The following PARD3B variants were observed in gnomAD, a reference collection of about 807,000 sequenced individuals.
PARD3B encodes the protein par-3 family cell polarity regulator beta.
PARD3B carries 103 observed loss-of-function variants against 130.2 expected under a neutral mutation model. That is an observed-to-expected ratio of 0.79 (90% CI 0.67 to 0.93). The LOEUF (loss-of-function observed/expected upper bound fraction) is 0.93, where lower values mean the gene tolerates loss of function less well. Ranked by LOEUF, PARD3B falls within the 40% of genes least tolerant of loss-of-function variation. The probability of loss-of-function intolerance (pLI) is 0.00; values close to 1 mark genes in which losing one functional copy is unlikely to be tolerated. For missense variants in PARD3B, 1,609 were observed against 1,499.2 expected (o/e 1.07, Z -1.21); for synonymous variants, 583 against 553.2 (o/e 1.05, Z -0.76).
At chr2:204,558,507 G>A (rs2031085833) in intron 1 of PARD3B, among the ~76,000 whole-genome samples, 1 of 152,134 alleles carries the variant, frequency 6.6e-6, no homozygotes, top group Non-Finnish European at 1.5e-5. Flanking sequence ...ACCTCTTCAA[G>A]GAGAATTACA....
intron 2 of PARD3B, among the ~76,000 whole-genome samples, chr2:204,811,403 A>G (rs959117172): frequency 6.6e-6 from 1 of 152,162 alleles, no homozygotes; most frequent in Non-Finnish European, 1.5e-5. Flanking sequence ...ATACTACATG[A>G]TGTTTGAAAT....
intron 20 of PARD3B, among the ~76,000 whole-genome samples, chr2:205,472,836 G>A (rs1330402461): frequency 1.3e-5 from 2 of 152,034 alleles, no homozygotes; most frequent in African/African-American, 2.4e-5. Context: ...GAAGTGAGAA[G>A]GGAGACAAAT....
chr2:205,540,089 G>C (rs2052055068), intron 21 of PARD3B, among the ~76,000 whole-genome samples: 2 of 152,150 alleles, frequency 1.3e-5, no homozygotes, highest in African/African-American at 4.8e-5. Context: ...CATGTGAGTT[G>C]TGCGGCACCG....
At chr2:205,580,718 G>C (rs899151926) in intron 22 of PARD3B, among the ~76,000 whole-genome samples, 1 of 152,156 alleles carries the variant, frequency 6.6e-6, no homozygotes, top group Admixed American at 6.5e-5. Flanking sequence ...CTTAATGATA[G>C]TCATATAAGA....
intron 3 of PARD3B, among the ~76,000 whole-genome samples, chr2:205,045,590 G>T (rs184704617): frequency 2.1e-3 from 322 of 152,110 alleles, no homozygotes; most frequent in Non-Finnish European, 3.7e-3. Context: ...ATATTTTAGT[G>T]TGTTATTATT....
chr2:204,563,267 T>TCTCTCTCTCTC (rs1559158190), intron 1 of PARD3B, among the ~76,000 whole-genome samples: 8 of 59,306 alleles, frequency 1.3e-4, no homozygotes, highest in African/African-American at 3.1e-4. Flanking sequence ...CTCTCTCTCT[T>TCTCTCTCTCTC]TCTCTCTTCT....
intron 1 of PARD3B, among the ~76,000 whole-genome samples, chr2:204,685,154 G>C (rs1274124241): frequency 6.6e-6 from 1 of 152,118 alleles, no homozygotes; most frequent in Non-Finnish European, 1.5e-5. Flanking sequence ...CCCTAATAAA[G>C]ATTTGTATGG....
In PARD3B at chr2:205,045,527, C is replaced by T. The variant is rs918195210; in HGVS notation, c.395-2054C>T. ...CCTCCCAAAGTGCTGGGATTATAGGCGTGAGCCACTGCGTCTGGCATGAAT... is the reference window on the plus strand; with the variant it reads ...CCTCCCAAAGTGCTGGGATTATAGGTGTGAGCCACTGCGTCTGGCATGAAT... On this transcript the variant is annotated intron_variant, in intron 3 of 22. Coordinates refer to ENST00000406610, the MANE Select transcript of PARD3B (RefSeq NM_001302769.2). Among the ~76,000 whole-genome samples the T allele has an allele frequency of 2.0e-5, 3 of 152,004 alleles. No individual in the cohort carries two copies. In the South Asian group the frequency reaches 6.2e-4, roughly 32 times the overall value.
chr2:204,971,442 G>A (rs1046982818), intron 3 of PARD3B, among the ~76,000 whole-genome samples: 1 of 152,178 alleles, frequency 6.6e-6, no homozygotes, highest in East Asian at 1.9e-4. Context: ...TTTGCTGTAG[G>A]CTGTGAAACC....
chr2:204,572,704 G>C (rs2032065049), intron 1 of PARD3B, among the ~76,000 whole-genome samples: 1 of 152,146 alleles, frequency 6.6e-6, no homozygotes, highest in African/African-American at 2.4e-5. Context: ...AAATACTCTA[G>C]ACAGCTGTGT....
chr2:204,951,297 G>A (rs191687577), intron 2 of PARD3B, among the ~76,000 whole-genome samples: 53 of 152,196 alleles, frequency 3.5e-4, no homozygotes, highest in African/African-American at 9.4e-4. Flanking sequence ...ATGATATTAC[G>A]CCATGATTTT....
chr2:205,212,261 A>T (rs562913496), intron 15 of PARD3B, among the ~76,000 whole-genome samples: 1 of 152,256 alleles, frequency 6.6e-6, no homozygotes, highest in South Asian at 2.1e-4. Flanking sequence ...GGAAATGCTG[A>T]CAAAGTTAAA....
intron 15 of PARD3B, among the ~76,000 whole-genome samples, chr2:205,228,539 G>C (rs1363408458): frequency 1.3e-5 from 2 of 152,014 alleles, no homozygotes; most frequent in Non-Finnish European, 2.9e-5. Context: ...GATCCTTTCT[G>C]TATCTTTGAC....
intron 2 of PARD3B, among the ~76,000 whole-genome samples, chr2:204,896,217 T>C (rs970813310): frequency 9.9e-5 from 15 of 152,078 alleles, no homozygotes; most frequent in African/African-American, 2.9e-4. Context: ...TAACTAGAGG[T>C]TAGGTTTTAT....
intron 1 of PARD3B, among the ~76,000 whole-genome samples, chr2:204,597,261 T>C (rs1019023405): frequency 2.0e-5 from 3 of 152,074 alleles, no homozygotes; most frequent in African/African-American, 7.2e-5. Flanking sequence ...GATGCGTGTT[T>C]TTTTTTTGGT....
In PARD3B at chr2:204,626,875, C is replaced by G. The variant is rs1574574567; in HGVS notation, c.121-59306C>G. On this transcript the variant is annotated intron_variant, in intron 1 of 22. Transcript: ENST00000406610. ...ACAGGAACACCCAAATGCCCAACAC[C>G]TATGATATGGTTTGGTTCTGTGTCT... Among the ~76,000 whole-genome samples, 2 of 152,170 alleles carry G rather than the reference C, an allele frequency of 1.3e-5. 1 individual carries two copies. Among genetic ancestry groups the G allele is most frequent in the African/African-American group, 4.8e-5 (2 of 41,526 alleles).
intron 1 of PARD3B, among the ~76,000 whole-genome samples, chr2:204,551,426 C>T (rs927784455): frequency 1.2e-4 from 18 of 152,144 alleles, no homozygotes. Flanking sequence ...AAGTTATTGT[C>T]ATCATGCTTG....
chr2:205,421,630 A>C lies in PARD3B; in HGVS notation c.2742-18740A>C, dbSNP rs1238904816. Among the ~76,000 whole-genome samples, 1 of 152,196 alleles carries C rather than the reference A, an allele frequency of 6.6e-6. No homozygotes were observed. On this transcript the variant is annotated intron_variant, in intron 19 of 22. Coordinates refer to ENST00000406610, the MANE Select transcript of PARD3B (RefSeq NM_001302769.2). This position sits in a 1 kb window ranked among gnomAD's most constrained non-coding sequence, Gnocchi z 5.1. ...CTCATCATCAGTTCCATTCATTCAT[A>C]ATCAGCATTAGTCTTCTATTGCTGC...
Position 205,104,656 on chromosome 2 carries a change from C to T in PARD3B, c.593+142C>T, listed in dbSNP as rs1188720237. Reference sequence around the variant, plus strand: ...CAACATGTCCCAAGTCTAACAGTTACTTAATTCTTCTTTTCTAGTGTTTTC... The same window carrying T: ...CAACATGTCCCAAGTCTAACAGTTATTTAATTCTTCTTTTCTAGTGTTTTC... On this transcript the variant is annotated intron_variant, in intron 5 of 22. Coordinates refer to ENST00000406610, the MANE Select transcript of PARD3B (RefSeq NM_001302769.2). The T allele has an allele frequency of 3.1e-5, 18 of 580,936 alleles. No homozygotes were observed. In the East Asian group the frequency reaches 5.1e-4, roughly 17 times the overall value. The allele number at this position is 580,936 out of a possible 1,614,324, so 36.0% of individuals were successfully genotyped here.
Sources: gnomAD v4.1 joint callset for allele counts (sites outside exome capture counted in the v4.1 genomes callset) on GRCh38, gnomAD v4.1.1 for gene constraint, Gnocchi (gnomAD v3.1) non-coding constraint, MANE v1.5 for transcripts, NCBI Gene and HGNC (gene_info 2026-07-23, HGNC 2026-07-21) for gene names.